Variants in RAPGEF6 observed in about 807,000 individuals in gnomAD.
The protein encoded by RAPGEF6 is Rap guanine nucleotide exchange factor 6, also known as PDZ domain containing guanine nucleotide exchange factor (GEF) 2.
In RAPGEF6, 56 loss-of-function variants were observed where a neutral mutation model predicts 171.4. That is an observed-to-expected ratio of 0.33 (90% CI 0.26 to 0.41). The LOEUF (loss-of-function observed/expected upper bound fraction) is 0.41, where lower values mean the gene tolerates loss of function less well. RAPGEF6 is among the 10% of genes least tolerant of loss of function. RAPGEF6 has a pLI of 1.00. For missense variants in RAPGEF6, 1,674 were observed against 1,921.4 expected (o/e 0.87, Z 2.41); for synonymous variants, 692 against 650.1 (o/e 1.06, Z -0.98).
At chr5:131,541,117 C>T (rs1580995539) in intron 6 of RAPGEF6, among the ~76,000 whole-genome samples, 1 of 152,100 alleles carries the variant, frequency 6.6e-6, no homozygotes, top group South Asian at 2.1e-4. Context: ...TTTGTTATCT[C>T]AGAACACTGC....
At chr5:131,541,285 C>T (rs757430746) in intron 6 of RAPGEF6, among the ~76,000 whole-genome samples, 3 of 152,130 alleles carry the variant, frequency 2.0e-5, no homozygotes, top group Admixed American at 2.0e-4. Context: ...AAGAGCATGA[C>T]AGAAGCCCAT....
chr5:131,576,654 T>A (rs1281505634), intron 4 of RAPGEF6, among the ~76,000 whole-genome samples: 2 of 152,152 alleles, frequency 1.3e-5, no homozygotes, highest in Non-Finnish European at 2.9e-5. Flanking sequence ...CTCACATCTG[T>A]CCCTCACGAC....
intron 4 of RAPGEF6, among the ~76,000 whole-genome samples, chr5:131,576,450 G>A (rs963127693): frequency 1.3e-5 from 2 of 152,254 alleles, no homozygotes; most frequent in South Asian, 4.1e-4. Context: ...GCTGTTATAT[G>A]GGCAGAAAGA....
intron 1 of RAPGEF6, among the ~76,000 whole-genome samples, chr5:131,625,719 GACA>G (rs1765877929): frequency 6.6e-6 from 1 of 151,010 alleles, no homozygotes; most frequent in Non-Finnish European, 1.5e-5. Context: ...GGGAGGCTGA[GACA>G]AGAGAATTGT....
chr5:131,540,676 G>C (rs1229670292), intron 6 of RAPGEF6, among the ~76,000 whole-genome samples: 2 of 152,188 alleles, frequency 1.3e-5, no homozygotes, highest in African/African-American at 4.8e-5. Context: ...TTAAACCTTT[G>C]AACAATGTCC....
At chr5:131,469,139 A>T (rs1421783986) in intron 17 of RAPGEF6, among the ~76,000 whole-genome samples, 1 of 152,222 alleles carries the variant, frequency 6.6e-6, no homozygotes, top group African/African-American at 2.4e-5. Flanking sequence ...AAAAGTATTC[A>T]AAGGTATATT....
chr5:131,608,633 A>C (rs775623468), intron 1 of RAPGEF6, among the ~76,000 whole-genome samples: 7 of 152,182 alleles, frequency 4.6e-5, no homozygotes, highest in Non-Finnish European at 7.4e-5. Flanking sequence ...AGCAGGTAGG[A>C]CCTAGCAAGA....
intron 6 of RAPGEF6, among the ~76,000 whole-genome samples, chr5:131,530,281 G>C (rs1299920655): frequency 2.6e-5 from 4 of 151,866 alleles, no homozygotes; most frequent in African/African-American, 4.8e-5. Flanking sequence ...TTTTCAAACT[G>C]CTAAAGAAAA....
intron 13 of RAPGEF6, among the ~76,000 whole-genome samples, chr5:131,493,316 G>C (rs1250523970): frequency 6.6e-6 from 1 of 151,998 alleles, no homozygotes; most frequent in African/African-American, 2.4e-5. Context: ...CGCCTGTCTC[G>C]GCCTCCCAAA....
Position 131,455,843 on chromosome 5 carries a change from G to C in RAPGEF6, c.3034C>G (p.Leu1012Val). Residue 1012 changes from leucine (L) to valine (V), a missense_variant, in exon 20 of 28, where the codon CTC becomes GTC. Around this residue, in one of 3 missense-constraint regions of RAPGEF6, gnomAD observed 1,116 missense variants for 1,321.5 expected, o/e 0.84. Transcript: ENST00000509018. ...SQSMQPPIIP[L>V]FPVVKKDMTF... The stretch of plus-strand genomic sequence containing the variant: ...ATATCTTTCTTGACAACAGGGAAGA[G>C]TGGAATAATTGGAGGCTGCATACTT... 6.2e-7 allele frequency: 1 copy of C among 1,613,734 alleles called. No individual in the cohort carries two copies. The highest frequency in any genetic ancestry group is 8.5e-7 in the Non-Finnish European group (1 of 1,179,700).
chr5:131,510,606 G>T, intron 7 of RAPGEF6, 115 bp from the exon 8 acceptor site: 1 of 889,828 alleles, frequency 1.1e-6, no homozygotes, highest in East Asian at 2.6e-5. Context: ...GGGCAACGCT[G>T]GATGCTGCAT....
chr5:131,557,067 G>A (rs1761282190), intron 5 of RAPGEF6, among the ~76,000 whole-genome samples: 1 of 152,114 alleles, frequency 6.6e-6, no homozygotes, highest in Non-Finnish European at 1.5e-5. Context: ...ACAACACCCA[G>A]CTTAAGTACT....
intron 6 of RAPGEF6, among the ~76,000 whole-genome samples, chr5:131,535,049 A>C (rs1259837530): frequency 1.3e-5 from 2 of 152,144 alleles, no homozygotes; most frequent in East Asian, 3.8e-4. Flanking sequence ...GCAATCCACT[A>C]GTGCCATATG....
In RAPGEF6 at chr5:131,495,531, T is replaced by C. The variant is rs138180689; in HGVS notation, c.1527+22A>G. On this transcript the variant is annotated intron_variant, in intron 13 of 27. Transcript: ENST00000509018. The stretch of plus-strand genomic sequence containing the variant: ...GGGGGGACCACTACACTCTGAAGAA[T>C]AGAAATTATTTTGAGCCTTACTGTA... 1,249 of 1,594,770 alleles carry C rather than the reference T, an allele frequency of 7.8e-4. 12 individuals carry two copies. Among genetic ancestry groups the C allele is most frequent in the South Asian group, 5.4e-3 (490 of 90,324 alleles).
intron 13 of RAPGEF6, 68 bp from the exon 14 acceptor site, chr5:131,492,853 A>G: frequency 7.1e-7 from 1 of 1,413,078 alleles, no homozygotes; most frequent in South Asian, 1.2e-5. Flanking sequence ...AAAGTCAACG[A>G]AAATTATTAG....
chr5:131,610,908 T>C (rs985684235), intron 1 of RAPGEF6, among the ~76,000 whole-genome samples: 1 of 151,944 alleles, frequency 6.6e-6, no homozygotes, highest in South Asian at 2.1e-4. Flanking sequence ...CTACAGGGAG[T>C]GTATTTGAAC....
intron 4 of RAPGEF6, among the ~76,000 whole-genome samples, chr5:131,585,966 C>T (rs1173305437): frequency 2.0e-5 from 3 of 152,262 alleles, no homozygotes; most frequent in Admixed American, 1.3e-4. Flanking sequence ...CTTATGTCTC[C>T]CTAAAACGTA....
At chr5:131,521,792 C>T (rs560132077) in intron 6 of RAPGEF6, among the ~76,000 whole-genome samples, 2 of 145,134 alleles carry the variant, frequency 1.4e-5, no homozygotes, top group Admixed American at 1.4e-4. Context: ...TTCTATCCTC[C>T]CAAATAAAAA....
chr5:131,614,194 A>C (rs1363088264), intron 1 of RAPGEF6, among the ~76,000 whole-genome samples: 1 of 145,330 alleles, frequency 6.9e-6, no homozygotes, highest in African/African-American at 2.6e-5. Flanking sequence ...AGGCAGGAGA[A>C]TCGCCTGAAC....
Sources: allele counts gnomAD v4.1 joint callset (sites outside exome capture counted in the v4.1 genomes callset), GRCh38; gene constraint gnomAD v4.1.1; regional missense constraint gnomAD v4.1.1; transcripts MANE v1.5; gene names NCBI Gene and HGNC (gene_info 2026-07-23, HGNC 2026-07-21).